USH1C: variants seen among roughly 807,000 people sequenced by gnomAD.
The protein encoded by USH1C is harmonin.
USH1C carries 90 observed loss-of-function variants against 119.3 expected under a neutral mutation model. The ratio of observed to expected loss-of-function variants is 0.75; its 90% CI spans 0.64 to 0.90. The LOEUF is 0.90. Ranked by LOEUF, USH1C falls within the 40% of genes least tolerant of loss-of-function variation. The pLI, the probability that USH1C is intolerant of heterozygous loss-of-function variation, is 0.00. For synonymous variants in USH1C, 465 were observed against 443.3 expected (o/e 1.05, Z -0.62); for missense variants, 1,165 against 1,167.7 (o/e 1.00, Z 0.03).
In USH1C at chr11:17,510,508, T is replaced by C; in HGVS notation, c.1427A>G (p.Glu476Gly). Reference sequence around the variant, plus strand: ...TTCCGATTCTTCAAGGTCTTCCCGCTCTGTCTCAGACACCTGGGACCCAGG... The same window carrying C: ...TTCCGATTCTTCAAGGTCTTCCCGCCCTGTCTCAGACACCTGGGACCCAGG... The part of the protein sequence containing the change: ...NRLAQEVSET[E>G]REDLEESEKI... The change falls in exon 17 of 27, where the codon GAG becomes GGG. Residue 476 changes from glutamate to glycine, a missense_variant. By Grantham distance (98) the Glu-to-Gly change is moderately conservative. Coordinates refer to ENST00000005226, the MANE Select transcript of USH1C (RefSeq NM_153676.4). 1 of 1,613,900 alleles carries C rather than the reference T, an allele frequency of 6.2e-7. No individual in the cohort carries two copies.
Position 17,509,476 on chromosome 11 carries a change from G to A in USH1C, c.1893C>T (p.Ser631=). 2 of 1,612,160 alleles carry A rather than the reference G, an allele frequency of 1.2e-6. No homozygotes were observed. Among genetic ancestry groups the A allele is most frequent in the Non-Finnish European group, 1.7e-6 (2 of 1,179,446 alleles). The part of the protein sequence containing the change: ...PLPSALEEAL[S]NHPFRTGDTG... ...TGTCCCCAGTGCGGAAGGGATGGTT[G>A]CTCAGTGCTTCTTCCAGCGCCGAGG... is the stretch of plus-strand genomic sequence containing the variant. The change falls in exon 18 of 27, where the codon AGC becomes AGT. Residue 631 remains serine (S), a synonymous_variant. Coordinates refer to ENST00000005226, the MANE Select transcript of USH1C (RefSeq NM_153676.4).
chr11:17,536,561 A>G (rs573483651), intron 1 of USH1C, among the ~76,000 whole-genome samples: 1 of 152,302 alleles, frequency 6.6e-6, no homozygotes, highest in South Asian at 2.1e-4. Context: ...GCAGCCCTCC[A>G]GCACTGACCA....
Position 17,498,200 on chromosome 11 carries a change from C to T in USH1C, c.2452G>A (p.Ala818Thr). The T allele has an allele frequency of 2.5e-6, 4 of 1,614,216 alleles. No individual in the cohort carries two copies. The highest frequency in any genetic ancestry group is 2.5e-6 in the Non-Finnish European group (3 of 1,180,034). The change falls in exon 24 of 27, where the codon GCT becomes ACT. Residue 818 changes from alanine (A) to threonine (T), a missense_variant. Physicochemically the swap from Ala to Thr is moderately conservative, Grantham distance 58. Transcript: ENST00000005226. The stretch of plus-strand genomic sequence containing the variant: ...CAGGCCTTCTGCAGGGCAGCCTCAG[C>T]CTCAGCCAGGGTGTAGTCTGTCACA... ...KIVTDYTLAE[A>T]EAALQKAWNQ... is the part of the protein sequence containing the mutation.
intron 9 of USH1C, among the ~76,000 whole-genome samples, chr11:17,523,832 CAG>C (rs1222728869): frequency 6.6e-6 from 1 of 152,242 alleles, no homozygotes; most frequent in Non-Finnish European, 1.5e-5. Flanking sequence ...ATCGTCATAA[CAG>C]AATAGCTAAC....
rs200545361 is a variant in USH1C, at chr11:17,493,908, A to C, written c.*424T>G. 1 of 103,234 alleles carries C rather than the reference A, an allele frequency of 9.7e-6. No individual in the cohort carries two copies. Among genetic ancestry groups the C allele is most frequent in the Non-Finnish European group, 1.8e-5 (1 of 57,138 alleles). 6.4% of individuals were successfully genotyped at this position (103,234 alleles called of 1,614,324 possible). ...CACTCACTCCTATAAGCTGGAAAATAAATCTATTTTATTAATGAGCTCAGA... is the reference window on the plus strand; with the variant it reads ...CACTCACTCCTATAAGCTGGAAAATCAATCTATTTTATTAATGAGCTCAGA... On this transcript the variant is annotated 3_prime_UTR_variant, in exon 27 of 27. Transcript: ENST00000005226.
chr11:17,529,532 A>G (rs1321069152), intron 4 of USH1C, among the ~76,000 whole-genome samples: 2 of 152,206 alleles, frequency 1.3e-5, no homozygotes, highest in African/African-American at 2.4e-5. Context: ...CATGAACCCC[A>G]GACAGGTCAA....
At chr11:17,511,778 G>A (rs1849902038) in intron 16 of USH1C, 124 bp downstream of exon 16, 4 of 1,163,366 alleles carry the variant, frequency 3.4e-6, no homozygotes, top group Non-Finnish European at 4.8e-6. Context: ...GAGCAGGAAA[G>A]GGCTCACTCC....
At chr11:17,541,965 T>C (rs544470550) in intron 1 of USH1C, among the ~76,000 whole-genome samples, 6 of 152,266 alleles carry the variant, frequency 3.9e-5, no homozygotes, top group African/African-American at 1.4e-4. Flanking sequence ...AGGGCTAAGA[T>C]TTGGTCCCAG....
At chr11:17,521,063 G>C in intron 13 of USH1C, 69 bp from the exon 14 acceptor site, 1 of 1,601,964 alleles carries the variant, frequency 6.2e-7, no homozygotes, top group Admixed American at 1.7e-5. Context: ...GCATATCGGA[G>C]AGCCCCAGCC....
At chr11:17,523,072 G>A in intron 11 of USH1C, 139 bp downstream of exon 11, 1 of 1,574,280 alleles carries the variant, frequency 6.4e-7, no homozygotes, top group Non-Finnish European at 8.7e-7. Flanking sequence ...CTTCTTGCTG[G>A]GCAGAAGTCC....
intron 14 of USH1C, 69 bp from the exon 15 acceptor site, chr11:17,516,359 T>C (rs1850144489): frequency 1.3e-6 from 2 of 1,496,766 alleles, no homozygotes; most frequent in South Asian, 1.2e-5. Context: ...GGGCAGCAGA[T>C]GGGAGCTGGG....
chr11:17,509,707 G>C lies in USH1C; in HGVS notation c.1662C>G (p.Pro554=), dbSNP rs759519331. The change falls in exon 18 of 27, where the codon CCC becomes CCG. Residue 554 remains proline, a synonymous_variant. Coordinates refer to ENST00000005226, the MANE Select transcript of USH1C (RefSeq NM_153676.4). The stretch of plus-strand genomic sequence containing the variant: ...CAGGCAAGGCAGAGGGAGTCTTGGG[G>C]GGATAGTAGAACATGTCCAAAGGGA... ...DDIPLDMFYY[P]PKTPSALPVM... The C allele has an allele frequency of 5.0e-6, 8 of 1,600,482 alleles. No individual in the cohort carries two copies. The South Asian group carries it at 8.8e-5, about 18-fold the overall frequency.
intron 20 of USH1C, among the ~76,000 whole-genome samples, chr11:17,504,063 TC>T (rs1044603958): frequency 5.3e-5 from 8 of 152,172 alleles, no homozygotes; most frequent in Non-Finnish European, 1.2e-4. Context: ...AATGGTTGGC[TC>T]CATGGAGGTA....
rs564141821 is a variant in USH1C, at chr11:17,522,024, A to G, written c.1020-613T>C. Among the ~76,000 whole-genome samples the G allele has an allele frequency of 2.6e-3, 399 of 152,070 alleles. 4 individuals carry two copies. Among genetic ancestry groups the G allele is most frequent in the African/African-American group, 8.3e-3 (344 of 41,482 alleles). On this transcript the variant is annotated intron_variant, in intron 12 of 26. Coordinates refer to ENST00000005226, the MANE Select transcript of USH1C (RefSeq NM_153676.4). ...TTTTTTGTATTTTTAGTAGAGACACAGTTTCACCATGCTGGCCAGGCTGGT... is the reference window on the plus strand; with the variant it reads ...TTTTTTGTATTTTTAGTAGAGACACGGTTTCACCATGCTGGCCAGGCTGGT...
At chr11:17,513,855 G>A (rs911326845) in intron 15 of USH1C, among the ~76,000 whole-genome samples, 9 of 152,096 alleles carry the variant, frequency 5.9e-5, no homozygotes, top group African/African-American at 1.9e-4. Context: ...AACTACCAGT[G>A]CTAAGATTAT....
At position 17,533,252 on chromosome 11, in the gene USH1C, T is replaced by A. The variant is rs373640439; in HGVS notation, c.104+3A>T. On this transcript the variant is annotated splice_donor_region_variant and intron_variant, in intron 2 of 26. Coordinates refer to ENST00000005226, the MANE Select transcript of USH1C (RefSeq NM_153676.4). ...CCACAAGAGCTGGACCCAGCACACTTACTGGTGGTACATTCGCAGCACATC... is the reference window on the plus strand; with the variant it reads ...CCACAAGAGCTGGACCCAGCACACTAACTGGTGGTACATTCGCAGCACATC... The A allele has an allele frequency of 7.4e-6, 12 of 1,612,992 alleles. No individual in the cohort carries two copies. The highest frequency in any genetic ancestry group is 1.3e-5 in the African/African-American group (1 of 74,892).
intron 15 of USH1C, among the ~76,000 whole-genome samples, chr11:17,512,744 C>T (rs1279774869): frequency 6.6e-6 from 1 of 152,190 alleles, no homozygotes; most frequent in East Asian, 1.9e-4. Flanking sequence ...ACAGTTTCCT[C>T]TGAATTGTGC....
chr11:17,497,074 A>C (rs1362663304), intron 24 of USH1C, among the ~76,000 whole-genome samples: 1 of 152,242 alleles, frequency 6.6e-6, no homozygotes, highest in Non-Finnish European at 1.5e-5. Context: ...GACCGGGGAC[A>C]GGCAGCAACC....
rs746789590 is a variant in USH1C, at chr11:17,521,367, C to A, written c.1064G>T (p.Arg355Ile). 26 of 1,614,064 alleles carry A rather than the reference C, an allele frequency of 1.6e-5. No homozygotes were observed. In the East Asian group the frequency reaches 5.6e-4, roughly 35 times the overall value. ...IAQKAAEENE[R>I]YRKEMEQIVE... Reference sequence around the variant, plus strand: ...TCACTGTTCCATCTCCTTCCGGTATCTCTCATTTTCCTCTGCTGCCTTCTG... The same window carrying A: ...TCACTGTTCCATCTCCTTCCGGTATATCTCATTTTCCTCTGCTGCCTTCTG... Residue 355 changes from arginine (R) to isoleucine (I), a missense_variant, in exon 13 of 27, where the codon AGA (arginine) becomes ATA (isoleucine). Physicochemically the swap from Arg to Ile is moderately conservative, Grantham distance 97 (BLOSUM62 -3). Transcript: ENST00000005226.
Sources: gnomAD v4.1 joint callset for allele counts (sites outside exome capture counted in the v4.1 genomes callset) on GRCh38, gnomAD v4.1.1 for gene constraint, MANE v1.5 for transcripts, NCBI Gene and HGNC (gene_info 2026-07-23, HGNC 2026-07-21) for gene names.